The following LYRM4 variants were observed in gnomAD, a reference collection of about 807,000 sequenced individuals.
LYRM4 encodes LYR motif-containing protein 4.
Under a neutral mutation model 11.7 loss-of-function variants are expected in LYRM4, and 9 were observed. That is an observed-to-expected ratio of 0.77 (90% CI 0.46 to 1.34). The LOEUF is 1.34. Ranked by LOEUF, LYRM4 falls within the 40% of genes most tolerant of loss-of-function variation. The pLI is 0.00. For missense variants in LYRM4, 133 were observed against 112.5 expected (o/e 1.18, Z -0.82); for synonymous variants, 42 against 40.4 (o/e 1.04, Z -0.15).
the LYRM4 span, among the ~76,000 whole-genome samples, chr6:5,069,974 G>A: frequency 2.0e-5 from 3 of 152,162 alleles, no homozygotes; most frequent in Non-Finnish European, 4.4e-5. Context: ...ATGCTGACAC[G>A]TAATCACAGC....
chr6:5,238,616 G>A (rs1220955036), intron 1 of LYRM4, among the ~76,000 whole-genome samples: 1 of 152,110 alleles, frequency 6.6e-6, no homozygotes, highest in Non-Finnish European at 1.5e-5. Flanking sequence ...CAAGTAACAG[G>A]GTGATTTAAT....
chr6:5,202,856 A>G (rs916752506), intron 2 of LYRM4, among the ~76,000 whole-genome samples: 1 of 152,196 alleles, frequency 6.6e-6, no homozygotes, highest in African/African-American at 2.4e-5. Flanking sequence ...AAGGAATTCA[A>G]GTTTGTGGAA....
At chr6:5,216,182 C>T (rs1308124001) in intron 2 of LYRM4, among the ~76,000 whole-genome samples, 2 of 152,128 alleles carry the variant, frequency 1.3e-5, no homozygotes, top group African/African-American at 4.8e-5. Context: ...CATGTGGCAA[C>T]GTAATTCAGG....
rs529183327 is a variant in LYRM4 at position 5,201,315 on chromosome 6, G to T, written c.207+15303C>A. On this transcript the variant is annotated intron_variant, in intron 2 of 2. Transcript: ENST00000330636. The stretch of plus-strand genomic sequence containing the variant: ...CTGCTTGCTAGTCCTGGCAGTGCAA[G>T]TGCACGGGCAGGCTCAAATGCTCTT... 7.9e-5 allele frequency among the ~76,000 whole-genome samples: 12 copies of T among 152,286 alleles called. No homozygotes were observed. The South Asian group carries it at 2.3e-3, about 29-fold the overall frequency.
At chr6:5,248,986 A>C (rs750649388) in intron 1 of LYRM4, among the ~76,000 whole-genome samples, 1 of 152,232 alleles carries the variant, frequency 6.6e-6, no homozygotes, top group African/African-American at 2.4e-5. Flanking sequence ...ATGACTAATA[A>C]ATATCTGGTT....
At chr6:5,223,937 C>T (rs577987362) in intron 1 of LYRM4, among the ~76,000 whole-genome samples, 6 of 152,292 alleles carry the variant, frequency 3.9e-5, no homozygotes, top group Admixed American at 2.0e-4. Context: ...TCAACTGCAT[C>T]GGCATGGATG....
the LYRM4 span, chr6:5,033,503 G>A: frequency 6.6e-6 from 1 of 152,032 alleles, no homozygotes; most frequent in African/African-American, 2.4e-5. Flanking sequence ...GCCAGGACCC[G>A]AGACTCACAG....
At chr6:5,254,852 G>A (rs188499284) in intron 1 of LYRM4, among the ~76,000 whole-genome samples, 1 of 152,032 alleles carries the variant, frequency 6.6e-6, no homozygotes, top group Non-Finnish European at 1.5e-5. Flanking sequence ...CTGCTCTATC[G>A]GTTATCTACT....
chr6:5,071,835 G>T, the LYRM4 span, among the ~76,000 whole-genome samples: 12 of 151,956 alleles, frequency 7.9e-5, no homozygotes, highest in African/African-American at 2.9e-4. Flanking sequence ...GTAGAGACGG[G>T]GGTTTCACCA....
At chr6:5,118,429 A>C (rs917209975) in intron 2 of LYRM4, among the ~76,000 whole-genome samples, 1 of 152,026 alleles carries the variant, frequency 6.6e-6, no homozygotes, top group Non-Finnish European at 1.5e-5. Flanking sequence ...TACATTTTTG[A>C]TAGTAGAATT....
At chr6:5,113,755 C>G (rs1337423984) in intron 2 of LYRM4, among the ~76,000 whole-genome samples, 3 of 148,572 alleles carry the variant, frequency 2.0e-5, no homozygotes, top group Non-Finnish European at 3.0e-5. Context: ...TTTTTAGAGA[C>G]AGGTTCTCAC....
At chr6:5,057,421 A>G in the LYRM4 span, among the ~76,000 whole-genome samples, 1 of 152,116 alleles carries the variant, frequency 6.6e-6, no homozygotes, top group Non-Finnish European at 1.5e-5. Flanking sequence ...TGGAGTTCAA[A>G]CTTCCCTCAT....
chr6:5,240,873 T>C (rs1763836272), intron 1 of LYRM4: 1 of 152,216 alleles, frequency 6.6e-6, no homozygotes, highest in South Asian at 2.1e-4. Context: ...GGAGGGACAC[T>C]GGAACGCGTC....
chr6:5,146,308 G>A (rs551497785), intron 2 of LYRM4, among the ~76,000 whole-genome samples: 9 of 152,346 alleles, frequency 5.9e-5, no homozygotes, highest in African/African-American at 2.2e-4. Flanking sequence ...ACTTGACTCA[G>A]AGTAAAGAAT....
chr6:5,091,991 G>A, the LYRM4 span, among the ~76,000 whole-genome samples: 1 of 152,192 alleles, frequency 6.6e-6, no homozygotes, highest in Non-Finnish European at 1.5e-5. Flanking sequence ...ATTTCCCACA[G>A]AGTCGACAGC....
At chr6:5,244,013 C>T (rs1231349118) in intron 1 of LYRM4, among the ~76,000 whole-genome samples, 1 of 152,206 alleles carries the variant, frequency 6.6e-6, no homozygotes, top group Admixed American at 6.5e-5. Flanking sequence ...GTATTTCTAA[C>T]ATATCTTGTT....
At chr6:5,228,243 T>C (rs1364172005) in intron 1 of LYRM4, among the ~76,000 whole-genome samples, 2 of 152,122 alleles carry the variant, frequency 1.3e-5, no homozygotes, top group African/African-American at 4.8e-5. Context: ...AAATAATAAT[T>C]GGACCTTGGA....
In LYRM4 at chr6:5,109,141, A is replaced by G. The variant is rs1245985986; in HGVS notation, c.*282T>C. 7.1e-6 allele frequency: 9 copies of G among 1,275,700 alleles called. No individual in the cohort carries two copies. The allele number at this position is 1,275,700 out of a possible 1,614,324, so 79.0% of individuals were successfully genotyped here. A position where few individuals can be genotyped will look rare whatever the true frequency, so the allele number is the denominator to read the frequency against. ...TGTAGAAATGCTATACACAATGGTC[A>G]TGAGCTACAAGGTAGGAATGGGGTG... On this transcript the variant is annotated 3_prime_UTR_variant, in exon 3 of 3. Transcript: ENST00000330636.
intron 2 of LYRM4, chr6:5,136,118 G>C (rs1303751733): frequency 1.0e-5 from 2 of 197,096 alleles, no homozygotes; most frequent in Admixed American, 1.3e-4. Context: ...TCCATTGTAC[G>C]GCTGTACCAC....
Sources: allele counts gnomAD v4.1 joint callset (sites outside exome capture counted in the v4.1 genomes callset), GRCh38; gene constraint gnomAD v4.1.1; transcripts MANE v1.5; gene names NCBI Gene and HGNC (gene_info 2026-07-23, HGNC 2026-07-21).